VAMP7: variants seen among roughly 807,000 people sequenced by gnomAD.
VAMP7 encodes the protein vesicle-associated membrane protein 7.
A neutral mutation model predicts 29.6 loss-of-function variants in VAMP7; 14 were observed. The observed-to-expected ratio is 0.47, with a 90% CI of 0.31 to 0.74. The LOEUF (loss-of-function observed/expected upper bound fraction) is 0.74, where lower values mean the gene tolerates loss of function less well. VAMP7 is among the 30% of genes least tolerant of loss of function. The pLI, the probability that VAMP7 is intolerant of heterozygous loss-of-function variation, is 0.05. For missense variants in VAMP7, 223 were observed against 262.4 expected (o/e 0.85, Z 1.04); for synonymous variants, 95 against 88.1 (o/e 1.08, Z -0.44).
chrX:155,902,039 T>C lies in VAMP7; in HGVS notation c.433+1452T>C, dbSNP rs778586847. ...TTCTTCCATTTCTTTGTATCCTCTT[T>C]TATTTCACTGAGCAGTGGTTTGTAG... On this transcript the variant is annotated intron_variant, in intron 5 of 7. Transcript: ENST00000286448. 4.9e-4 allele frequency among the ~76,000 whole-genome samples: 74 copies of C among 152,248 alleles called. 1 individual carries two copies. The highest frequency in any genetic ancestry group is 1.6e-3 in the African/African-American group (68 of 41,560).
intron 5 of VAMP7, among the ~76,000 whole-genome samples, chrX:155,903,419 A>C (rs1314908641): frequency 1.3e-5 from 2 of 152,154 alleles, no homozygotes. Context: ...TGAACAGACA[A>C]CCTACAAAAT....
At chrX:155,902,212 T>G (rs761975280) in intron 5 of VAMP7, among the ~76,000 whole-genome samples, 397 of 152,082 alleles carry the variant, frequency 2.6e-3, no homozygotes, top group African/African-American at 9.1e-3. Flanking sequence ...TTTTGTACAT[T>G]GATTTTGTAT....
intron 6 of VAMP7, among the ~76,000 whole-genome samples, chrX:155,937,350 C>A (rs1196304759): frequency 1.3e-5 from 2 of 152,062 alleles, no homozygotes; most frequent in Admixed American, 1.3e-4. Flanking sequence ...TACAGCATGG[C>A]AACTATAGTT....
rs764347855 is a variant in VAMP7, at chrX:155,935,339, A to C, written c.502-4362A>C. On this transcript the variant is annotated intron_variant, in intron 6 of 7. Coordinates refer to ENST00000286448, the MANE Select transcript of VAMP7 (RefSeq NM_005638.6). ...CTCCCCATCACTTTCAGGTACACCAATCAGACGTAGATTTGGTCTTTTCAC... is the reference window on the plus strand; with the variant it reads ...CTCCCCATCACTTTCAGGTACACCACTCAGACGTAGATTTGGTCTTTTCAC... Among the ~76,000 whole-genome samples the C allele has an allele frequency of 1.4e-3, 210 of 152,104 alleles. 1 individual carries two copies. Among genetic ancestry groups the C allele is most frequent in the African/African-American group, 4.8e-3 (201 of 41,494 alleles).
chrX:155,893,742 T>C (rs948711291), intron 2 of VAMP7, among the ~76,000 whole-genome samples: 1 of 152,174 alleles, frequency 6.6e-6, no homozygotes, highest in Non-Finnish European at 1.5e-5. Flanking sequence ...CCTCATCTAA[T>C]CTTAAGTGCC....
rs1310070017 is a variant in VAMP7, at chrX:155,943,343, G to C, written c.*1392G>C. The C allele has an allele frequency of 6.6e-6, 1 of 152,000 alleles. No homozygotes were observed. Among genetic ancestry groups the C allele is most frequent in the African/African-American group, 2.4e-5 (1 of 41,258 alleles). The allele number at this position is 152,000 out of a possible 1,614,324, so 9.4% of individuals were successfully genotyped here. A position where few individuals can be genotyped will look rare whatever the true frequency, so the allele number is the denominator to read the frequency against. The stretch of plus-strand genomic sequence containing the variant: ...TATGTGTCCCATAATCTGGCTCATG[G>C]TACCTGTTCTTCTATCCAAACCTTT... On this transcript the variant is annotated 3_prime_UTR_variant, in exon 8 of 8. Coordinates refer to ENST00000286448, the MANE Select transcript of VAMP7 (RefSeq NM_005638.6).
chrX:155,900,242 G>A (rs908870758), intron 4 of VAMP7, among the ~76,000 whole-genome samples: 2 of 151,498 alleles, frequency 1.3e-5, no homozygotes, highest in Non-Finnish European at 2.9e-5. Context: ...TTGATATAAT[G>A]TTTATTTTTA....
At chrX:155,882,521 C>T (rs981205871) in intron 1 of VAMP7, among the ~76,000 whole-genome samples, 2 of 152,034 alleles carry the variant, frequency 1.3e-5, no homozygotes, top group African/African-American at 4.8e-5. Context: ...CTTCTTTTCC[C>T]CTGTCTAAGC....
chrX:155,925,355 C>T (rs2066453304), intron 6 of VAMP7, among the ~76,000 whole-genome samples: 1 of 152,164 alleles, frequency 6.6e-6, no homozygotes, highest in African/African-American at 2.4e-5. Flanking sequence ...AATAATAAGA[C>T]TTGAAAGTTG....
chrX:155,924,278 G>A (rs924966406), intron 6 of VAMP7, among the ~76,000 whole-genome samples: 2 of 152,082 alleles, frequency 1.3e-5, no homozygotes, highest in African/African-American at 2.4e-5. Context: ...TATTAAAATT[G>A]TGGTAAAATA....
At chrX:155,910,055 C>G (rs942413681) in intron 5 of VAMP7, among the ~76,000 whole-genome samples, 1 of 151,868 alleles carries the variant, frequency 6.6e-6, no homozygotes, top group Non-Finnish European at 1.5e-5. Context: ...TTCTATCCAA[C>G]TGTGTGTTTG....
At chrX:155,926,536 G>A (rs924835422) in intron 6 of VAMP7, among the ~76,000 whole-genome samples, 3 of 152,134 alleles carry the variant, frequency 2.0e-5, no homozygotes, top group African/African-American at 7.2e-5. Flanking sequence ...TTAGGCTTTG[G>A]CCTAAGGAAA....
chrX:155,903,525 C>T (rs1300487635), intron 5 of VAMP7, among the ~76,000 whole-genome samples: 1 of 151,804 alleles, frequency 6.6e-6, no homozygotes, highest in Non-Finnish European at 1.5e-5. Context: ...AACAAACAAC[C>T]CCATCAAAAA....
chrX:155,936,087 T>A (rs2066649733), intron 6 of VAMP7, among the ~76,000 whole-genome samples: 2 of 151,836 alleles, frequency 1.3e-5, no homozygotes, highest in African/African-American at 4.8e-5. Context: ...GTACCCGCCG[T>A]GTGAGGTGTC....
chrX:155,900,946 A>G (rs1243446328), intron 5 of VAMP7, among the ~76,000 whole-genome samples: 1 of 152,018 alleles, frequency 6.6e-6, no homozygotes, highest in East Asian at 1.9e-4. Flanking sequence ...GTTCTTTAGC[A>G]CAGTGTTAGA....
chrX:155,931,161 C>T (rs1214115966), intron 6 of VAMP7, among the ~76,000 whole-genome samples: 4 of 152,116 alleles, frequency 2.6e-5, no homozygotes, highest in Non-Finnish European at 5.9e-5. Context: ...AATAGTGCCA[C>T]GATAAACATA....
intron 6 of VAMP7, among the ~76,000 whole-genome samples, chrX:155,925,897 A>AACG (rs57044501): frequency 0.037 from 5,645 of 152,190 alleles, 348 homozygotes; most frequent in African/African-American, 0.13. Flanking sequence ...CAGGCATGAA[A>AACG]ACGACATTTA....
chrX:155,940,582 G>GC (rs1178716155), intron 7 of VAMP7, among the ~76,000 whole-genome samples: 3 of 152,120 alleles, frequency 2.0e-5, no homozygotes, highest in Non-Finnish European at 2.9e-5. Flanking sequence ...GTTGATTTGT[G>GC]CAGCTGAATT....
intron 6 of VAMP7, among the ~76,000 whole-genome samples, chrX:155,939,104 T>C (rs1441226749): frequency 0.014 from 9 of 648 alleles, no homozygotes; most frequent in Admixed American, 0.11. Context: ...CATACCAGAG[T>C]GGATTGCTGG....
Sources: gnomAD v4.1 joint callset for allele counts (sites outside exome capture counted in the v4.1 genomes callset) on GRCh38, gnomAD v4.1.1 for gene constraint, MANE v1.5 for transcripts, NCBI Gene and HGNC (gene_info 2026-07-23, HGNC 2026-07-21) for gene names.